The following NPR3 variants were observed in gnomAD, a reference collection of about 807,000 sequenced individuals.
NPR3 encodes natriuretic peptide receptor 3.
In NPR3, 34 loss-of-function variants were observed where a neutral mutation model predicts 54.5. The observed-to-expected ratio is 0.62, with a 90% CI of 0.47 to 0.83. NPR3 has a LOEUF of 0.83. Among genes scored for constraint, NPR3 ranks in the 40% least tolerant of loss-of-function variants. NPR3 has a pLI of 0.00. For synonymous variants in NPR3, 289 were observed against 297.1 expected (o/e 0.97, Z 0.28); for missense variants, 674 against 720.8 (o/e 0.94, Z 0.74).
chr5:32,784,710 G>T, intron 6 of NPR3, 86 bp from the exon 7 acceptor site: 1 of 1,043,360 alleles, frequency 9.6e-7, no homozygotes, highest in East Asian at 2.4e-5. Context: ...ATGGGAAATC[G>T]AGGAACTTCT....
At chr5:32,749,925 A>G (rs149794519) in intron 3 of NPR3, among the ~76,000 whole-genome samples, 1 of 152,308 alleles carries the variant, frequency 6.6e-6, no homozygotes, top group African/African-American at 2.4e-5. Flanking sequence ...TTACATAAAA[A>G]TAATTATGAG....
intron 3 of NPR3, among the ~76,000 whole-genome samples, chr5:32,745,294 C>G (rs1235998341): frequency 1.3e-5 from 2 of 152,228 alleles, no homozygotes; most frequent in South Asian, 2.1e-4. Context: ...TGCAGAGGCT[C>G]TCAACTGTCA....
intron 1 of NPR3, among the ~76,000 whole-genome samples, chr5:32,714,869 C>T (rs1315891726): frequency 3.3e-5 from 5 of 152,164 alleles, no homozygotes; most frequent in Non-Finnish European, 7.3e-5. Flanking sequence ...CTGGCTCAGT[C>T]ACCGGCTGGG....
chr5:32,698,233 T>G (rs1174316317), intron 1 of NPR3, among the ~76,000 whole-genome samples: 1 of 152,138 alleles, frequency 6.6e-6, no homozygotes, highest in East Asian at 1.9e-4. Context: ...CCTTCTTAAT[T>G]TCTTCATTAA....
intron 3 of NPR3, among the ~76,000 whole-genome samples, chr5:32,746,675 T>C (rs1372202874): frequency 1.3e-5 from 2 of 152,264 alleles, no homozygotes; most frequent in African/African-American, 4.8e-5. Context: ...ATTATGCTTT[T>C]AAGAGTAGAC....
At chr5:32,729,174 C>T (rs944366014) in intron 2 of NPR3, among the ~76,000 whole-genome samples, 1 of 150,396 alleles carries the variant, frequency 6.6e-6, no homozygotes, top group Non-Finnish European at 1.5e-5. Context: ...GGACTACAGG[C>T]GCCCGCCACT....
At chr5:32,770,087 C>A (rs1008967304) in intron 3 of NPR3, among the ~76,000 whole-genome samples, 21 of 152,080 alleles carry the variant, frequency 1.4e-4, no homozygotes, top group African/African-American at 4.6e-4. Context: ...AAGGCCGGGG[C>A]AAAACAGTGT....
intron 2 of NPR3, among the ~76,000 whole-genome samples, chr5:32,737,133 C>A (rs754149372): frequency 1.3e-5 from 2 of 152,142 alleles, no homozygotes; most frequent in Non-Finnish European, 2.9e-5. Flanking sequence ...CTATTAAAAT[C>A]GTGTTCACAC....
chr5:32,786,281 G>T lies in NPR3; in HGVS notation c.1562G>T (p.Ser521Ile). The change falls in exon 8 of 8, where the codon AGT becomes ATT. Residue 521 changes from serine to isoleucine, a missense_variant. Transcript: ENST00000265074. ...TIERRTQQEE[S>I]NLGKHRELRE... ...GAGAGGCGAACCCAGCAAGAAGAAA[G>T]TAACCTTGGAAAACATCGGGAATTA... 6.3e-7 allele frequency: 1 copy of T among 1,592,132 alleles called. No individual in the cohort carries two copies. The highest frequency in any genetic ancestry group is 1.7e-5 in the Admixed American group (1 of 59,278).
At chr5:32,767,903 A>T (rs1459297530) in intron 3 of NPR3, among the ~76,000 whole-genome samples, 2 of 152,198 alleles carry the variant, frequency 1.3e-5, no homozygotes, top group Admixed American at 1.3e-4. Context: ...TTAGAATTAC[A>T]TGCTCCTTCT....
intron 3 of NPR3, among the ~76,000 whole-genome samples, chr5:32,744,370 T>G (rs534381640): frequency 1.2e-4 from 18 of 152,310 alleles, no homozygotes; most frequent in African/African-American, 4.3e-4. Context: ...GCTTGGGATT[T>G]CATAGACCTG....
intron 3 of NPR3, among the ~76,000 whole-genome samples, chr5:32,770,198 A>G (rs1164980253): frequency 6.6e-6 from 1 of 152,024 alleles, no homozygotes; most frequent in African/African-American, 2.4e-5. Context: ...TTGGGAGGCT[A>G]AGGTGGGCGG....
chr5:32,719,773 AC>A (rs1158798794), intron 1 of NPR3, among the ~76,000 whole-genome samples: 2 of 134,036 alleles, frequency 1.5e-5, no homozygotes, highest in Non-Finnish European at 3.2e-5. Flanking sequence ...TCTATTTACC[AC>A]CTATGTTGTT....
At chr5:32,708,348 T>C (rs1738052282), upstream of NPR3, among the ~76,000 whole-genome samples, 1 of 152,182 alleles carries the variant, frequency 6.6e-6, no homozygotes, top group Non-Finnish European at 1.5e-5. Context: ...TATTTTTTCC[T>C]TTTGATTCAT....
Position 32,712,149 on chromosome 5 carries a change from G to T in NPR3, c.373G>T (p.Gly125Cys). The change falls in exon 1 of 8, where the codon GGC (glycine) becomes TGC (cysteine). Residue 125 changes from glycine to cysteine, a missense_variant. Physicochemically the swap from Gly to Cys is radical, Grantham distance 159 (BLOSUM62 -3). Transcript: ENST00000265074. ...GGTGGACCGCGTGGCGGCGGCGCGG[G>T]GCGCCAAGCCAGACCTTATCCTGGG... ...SLVDRVAAAR[G>C]AKPDLILGPV... The T allele has an allele frequency of 6.2e-7, 1 of 1,613,430 alleles. No homozygotes were observed. The highest frequency in any genetic ancestry group is 8.5e-7 in the Non-Finnish European group (1 of 1,179,788).
rs192416161 is a variant in NPR3 at position 32,755,149 on chromosome 5, C to T, written c.1059+16119C>T. Among the ~76,000 whole-genome samples, 14 of 152,360 alleles carry T rather than the reference C, an allele frequency of 9.2e-5. No homozygotes were observed. In the East Asian group the frequency reaches 2.1e-3, roughly 23 times the overall value. Reference sequence around the variant, plus strand: ...TGCCGGGATTACAGGCGTGAGCCACCGCGCCCGGCCAAGAGATTTAATTTC... The same window carrying T: ...TGCCGGGATTACAGGCGTGAGCCACTGCGCCCGGCCAAGAGATTTAATTTC... On this transcript the variant is annotated intron_variant, in intron 3 of 7. Coordinates refer to ENST00000265074, the MANE Select transcript of NPR3 (RefSeq NM_001204375.2).
intron 1 of NPR3, among the ~76,000 whole-genome samples, chr5:32,699,657 G>A (rs1419729809): frequency 2.0e-5 from 3 of 152,118 alleles, no homozygotes; most frequent in African/African-American, 4.8e-5. Flanking sequence ...GTCTTGAAAA[G>A]TTGTTGTAGT....
chr5:32,745,161 G>T, intron 3 of NPR3, among the ~76,000 whole-genome samples: 1 of 152,134 alleles, frequency 6.6e-6, no homozygotes, highest in East Asian at 1.9e-4. Context: ...TACACAAAGC[G>T]AAGTATTCAG....
intron 1 of NPR3, among the ~76,000 whole-genome samples, chr5:32,691,178 G>C (rs1268191288): frequency 1.3e-5 from 2 of 152,194 alleles, no homozygotes; most frequent in African/African-American, 4.8e-5. Flanking sequence ...GAGACATCCT[G>C]GATATTGTTC....
Sources: gnomAD v4.1 joint callset for allele counts (sites outside exome capture counted in the v4.1 genomes callset) on GRCh38, gnomAD v4.1.1 for gene constraint, MANE v1.5 for transcripts, NCBI Gene and HGNC (gene_info 2026-07-23, HGNC 2026-07-21) for gene names.